NUP155: variants seen among roughly 807,000 people sequenced by gnomAD.
NUP155 encodes the protein nuclear pore complex protein Nup155.
In NUP155, 71 loss-of-function variants were observed where a neutral mutation model predicts 180.4. The observed-to-expected ratio is 0.39, with a 90% confidence interval of 0.33 to 0.48. The LOEUF (loss-of-function observed/expected upper bound fraction) is 0.48. NUP155 is among the 20% of genes least tolerant of loss of function. NUP155 has a pLI of 0.91. For missense variants in NUP155, 1,553 were observed against 1,648.9 expected (o/e 0.94, Z 1.01); for synonymous variants, 582 against 559.5 (o/e 1.04, Z -0.57).
chr5:37,370,539 C>A, intron 1 of NUP155: 1 of 774,228 alleles, frequency 1.3e-6, no homozygotes, highest in Non-Finnish European at 1.9e-6. Context: ...TAGCCATAAG[C>A]ACTTGAGAGC....
chr5:37,358,010 T>C (rs1423039043), intron 4 of NUP155, 71 bp downstream of exon 4: 44 of 1,055,582 alleles, frequency 4.2e-5, no homozygotes, highest in Non-Finnish European at 6.5e-5. Flanking sequence ...ATGTGTGTTG[T>C]TGTTCAGGTC....
At chr5:37,344,765 G>A (rs549090243) in intron 9 of NUP155, among the ~76,000 whole-genome samples, 5 of 151,980 alleles carry the variant, frequency 3.3e-5, no homozygotes, top group African/African-American at 7.2e-5. Flanking sequence ...CCAGCTACCC[G>A]GGAGGCCGAG....
chr5:37,330,699 C>T (rs901626988), intron 14 of NUP155, among the ~76,000 whole-genome samples: 4 of 152,064 alleles, frequency 2.6e-5, no homozygotes, highest in Non-Finnish European at 5.9e-5. Flanking sequence ...ACACTGTTGC[C>T]TCAGGTTTCT....
rs1238510859 is a variant in NUP155, at chr5:37,294,001, G to A, written c.3930+328C>T. ...GGCCTGGGCAACAGAGCGAGACGCC[G>A]TCTCAAAAAAAAAAAAAAAAAAAAA... On this transcript the variant is annotated intron_variant, in intron 33 of 34. Transcript: ENST00000231498. Among the ~76,000 whole-genome samples the A allele has an allele frequency of 3.0e-4, 5 of 16,768 alleles. 1 individual carries two copies. The highest frequency in any genetic ancestry group is 4.0e-4 in the Non-Finnish European group (5 of 12,592). The allele number at this position is 16,768 out of a possible 152,430, so 11.0% of individuals were successfully genotyped here. A position where few individuals can be genotyped will look rare whatever the true frequency, so the allele number is the denominator to read the frequency against.
At chr5:37,316,395 G>A (rs1743887710) in intron 21 of NUP155, among the ~76,000 whole-genome samples, 1 of 152,198 alleles carries the variant, frequency 6.6e-6, no homozygotes, top group East Asian at 1.9e-4. Flanking sequence ...AAGTAGAATG[G>A]TGGTTGCCAG....
chr5:37,369,548 T>G (rs550861818), intron 1 of NUP155, among the ~76,000 whole-genome samples: 1 of 151,822 alleles, frequency 6.6e-6, no homozygotes, highest in East Asian at 1.9e-4. Flanking sequence ...GCACTGTTTT[T>G]ATATCTTGTT....
chr5:37,347,109 T>C (rs1344599273), intron 9 of NUP155, among the ~76,000 whole-genome samples: 1 of 152,072 alleles, frequency 6.6e-6, no homozygotes, highest in Admixed American at 6.6e-5. Flanking sequence ...GTGCCTGTAG[T>C]CCTAGCCGCT....
intron 20 of NUP155, among the ~76,000 whole-genome samples, chr5:37,320,684 G>A (rs1744190257): frequency 6.6e-6 from 1 of 152,046 alleles, no homozygotes; most frequent in African/African-American, 2.4e-5. Flanking sequence ...GAAATTAGAA[G>A]TAGATTAGAA....
At chr5:37,317,553 TA>T (rs979155988) in intron 21 of NUP155, among the ~76,000 whole-genome samples, 2 of 151,400 alleles carry the variant, frequency 1.3e-5, no homozygotes, top group South Asian at 2.1e-4. Context: ...TTCACCACAA[TA>T]AAAAAAACAT....
intron 3 of NUP155, among the ~76,000 whole-genome samples, chr5:37,358,444 G>A (rs1241000548): frequency 1.3e-5 from 2 of 152,006 alleles, no homozygotes; most frequent in Non-Finnish European, 2.9e-5. Context: ...GGGTGACAAA[G>A]TGAGAGCCTG....
chr5:37,307,322 C>T lies in NUP155; in HGVS notation c.2878G>A (p.Val960Ile), dbSNP rs748416533. ...CTTTCTTGGAAGGCCTGAAGTCCAA[C>T]TATGTCTTCTTCTGGTTCTCCATGT... ...YKHGEPEEDI[V>I]GLQAFQERLN... The change falls in exon 25 of 35, where the codon GTT becomes ATT. Residue 960 changes from valine to isoleucine, a missense_variant. Val to Ile is a conservative substitution (Grantham distance 29, BLOSUM62 3). Coordinates refer to ENST00000231498, the MANE Select transcript of NUP155 (RefSeq NM_153485.3). 5 of 1,614,038 alleles carry T rather than the reference C, an allele frequency of 3.1e-6. No individual in the cohort carries two copies. Among genetic ancestry groups the T allele is most frequent in the Non-Finnish European group, 4.2e-6 (5 of 1,179,988 alleles).
intron 5 of NUP155, among the ~76,000 whole-genome samples, chr5:37,351,609 G>C (rs1210795286): frequency 1.3e-5 from 2 of 151,720 alleles, no homozygotes; most frequent in Non-Finnish European, 2.9e-5. Flanking sequence ...ACCATGCCCA[G>C]CTAATTTTTT....
chr5:37,345,214 T>C (rs1745998424), intron 9 of NUP155, among the ~76,000 whole-genome samples: 1 of 151,522 alleles, frequency 6.6e-6, no homozygotes, highest in South Asian at 2.1e-4. Context: ...TATTGTTATG[T>C]AACAGACTAA....
chr5:37,367,475 A>C (rs368422102), intron 1 of NUP155, among the ~76,000 whole-genome samples: 13 of 151,418 alleles, frequency 8.6e-5, no homozygotes, highest in African/African-American at 3.2e-4. Flanking sequence ...TTTGCCTCCC[A>C]AATTGCTGAG....
chr5:37,310,500 A>G, intron 23 of NUP155, 52 bp downstream of exon 23: 2 of 1,459,898 alleles, frequency 1.4e-6, no homozygotes, highest in Non-Finnish European at 1.9e-6. Context: ...ATGGTTCATC[A>G]TACATGATAC....
In NUP155 at chr5:37,310,695, T is replaced by C. The variant is rs1238326342; in HGVS notation, c.2485A>G (p.Arg829Gly). ...KITTFKDLVI[R>G]DKELTGALIA... ...AATGCCCCTGTGAGTTCTTTGTCCC[T>C]GATTACAAGATCTTTAAAGGTGGTG... Residue 829 changes from arginine to glycine, a missense_variant, in exon 23 of 35, where the codon AGG becomes GGG. Arg to Gly is a moderately radical substitution (Grantham distance 125, BLOSUM62 -2). Transcript: ENST00000231498. The C allele has an allele frequency of 6.2e-7, 1 of 1,613,926 alleles. No individual in the cohort carries two copies. Among genetic ancestry groups the C allele is most frequent in the Non-Finnish European group, 8.5e-7 (1 of 1,179,902 alleles).
At chr5:37,315,998 G>A (rs1743860027) in intron 21 of NUP155, among the ~76,000 whole-genome samples, 1 of 152,056 alleles carries the variant, frequency 6.6e-6, no homozygotes, top group Non-Finnish European at 1.5e-5. Context: ...GAAACAGTAT[G>A]GCAGTTCATC....
At chr5:37,320,777 A>G (rs1455641577) in intron 20 of NUP155, among the ~76,000 whole-genome samples, 4 of 152,236 alleles carry the variant, frequency 2.6e-5, no homozygotes, top group African/African-American at 9.6e-5. Flanking sequence ...AACAAACTAA[A>G]AACATCTGAC....
chr5:37,306,871 T>C (rs548726150), intron 25 of NUP155, among the ~76,000 whole-genome samples: 1 of 151,768 alleles, frequency 6.6e-6, no homozygotes, highest in African/African-American at 2.4e-5. Context: ...TGGTGGCTCA[T>C]GCCTGTAATC....
Sources: gnomAD v4.1 joint callset for allele counts (sites outside exome capture counted in the v4.1 genomes callset) on GRCh38, gnomAD v4.1.1 for gene constraint, MANE v1.5 for transcripts, NCBI Gene and HGNC (gene_info 2026-07-23, HGNC 2026-07-21) for gene names.